The following DYNC2H1 variants were observed in gnomAD, a reference collection of about 807,000 sequenced individuals.
The protein encoded by DYNC2H1 is dynein cytoplasmic 2 heavy chain 1.
DYNC2H1 carries 410 observed loss-of-function variants against 570.0 expected under a neutral mutation model. The observed-to-expected ratio is 0.72, with a 90% confidence interval of 0.66 to 0.78. The LOEUF (loss-of-function observed/expected upper bound fraction) is 0.78. Among genes scored for constraint, DYNC2H1 ranks in the 30% least tolerant of loss-of-function variants. The pLI is 0.00. For synonymous variants in DYNC2H1, 1,688 were observed against 1,677.6 expected (o/e 1.01, Z -0.15); for missense variants, 4,865 against 5,046.4 (o/e 0.96, Z 1.09).
chr11:103,239,938 CTT>C lies in DYNC2H1; in HGVS notation c.9819+3400_9819+3401del, dbSNP rs1434255701. The stretch of plus-strand genomic sequence containing the variant: ...TAGTTTTTAACCTGTTTTTTGAACT[CTT>C]GACCTACAGTTCTAACTACCTGTTA... On this transcript the variant is annotated intron_variant, in intron 63 of 88. Transcript: ENST00000375735. The surrounding 1 kb of genome is among the most constrained non-coding windows in gnomAD (Gnocchi z 4.3). Among the ~76,000 whole-genome samples, 1 of 151,882 alleles carries C rather than the reference CTT, an allele frequency of 6.6e-6. No individual in the cohort carries two copies. Among genetic ancestry groups the C allele is most frequent in the Non-Finnish European group, 1.5e-5 (1 of 67,974 alleles).
At position 103,156,721 on chromosome 11, in the gene DYNC2H1, G is replaced by A. The variant is rs746691304; in HGVS notation, c.4078G>A (p.Ala1360Thr). The change falls in exon 26 of 89, where the codon GCA (alanine) becomes ACA (threonine). Residue 1360 changes from alanine to threonine, a missense_variant. By Grantham distance (58) the Ala-to-Thr change is moderately conservative. This residue lies in a region of DYNC2H1 where 1,936 missense variants were observed against 1,962.1 expected (regional missense o/e 0.99). Coordinates refer to ENST00000375735, the MANE Select transcript of DYNC2H1 (RefSeq NM_001377.3). ...TTTGGAACCCATTTTCGGCCGTGGA[G>A]CATTGCCAAAAGAACAGACACGCTT... ...VYLEPIFGRG[A>T]LPKEQTRFNR... 6.2e-7 allele frequency: 1 copy of A among 1,613,278 alleles called. No homozygotes were observed. Among genetic ancestry groups the A allele is most frequent in the Non-Finnish European group, 8.5e-7 (1 of 1,179,664 alleles).
At chr11:103,144,266 T>A (rs1860119958) in intron 18 of DYNC2H1, among the ~76,000 whole-genome samples, 1 of 152,150 alleles carries the variant, frequency 6.6e-6, no homozygotes, top group African/African-American at 2.4e-5. Context: ...GCAACAATAG[T>A]TAGTAATCTC....
At chr11:103,192,326 A>G (rs2135053832) in intron 47 of DYNC2H1, 62 bp downstream of exon 47, 1 of 1,271,426 alleles carries the variant, frequency 7.9e-7, no homozygotes, top group Non-Finnish European at 1.0e-6. Flanking sequence ...ATTTTTTCTT[A>G]CCCAGAGCAT....
chr11:103,116,740 G>T, intron 5 of DYNC2H1, 26 bp downstream of exon 5: 2 of 1,548,226 alleles, frequency 1.3e-6, no homozygotes, highest in Non-Finnish European at 1.7e-6. Context: ...TGAACTTTTG[G>T]AATTTTGAAA....
At chr11:103,331,597 C>T (rs1245369508) in intron 82 of DYNC2H1, among the ~76,000 whole-genome samples, 1 of 152,132 alleles carries the variant, frequency 6.6e-6, no homozygotes, top group East Asian at 1.9e-4. Flanking sequence ...TTAGTCTTTA[C>T]TGCTCTGGAC....
chr11:103,313,308 A>C (rs1009719883), intron 79 of DYNC2H1, among the ~76,000 whole-genome samples: 1 of 152,080 alleles, frequency 6.6e-6, no homozygotes, highest in Non-Finnish European at 1.5e-5. Flanking sequence ...AAGGCTCTCT[A>C]TCTGTTATCG....
chr11:103,344,942 G>A (rs313416), intron 82 of DYNC2H1, among the ~76,000 whole-genome samples: 83,021 of 151,866 alleles, frequency 0.55, 24,366 homozygotes, highest in Admixed American at 0.66. Flanking sequence ...TCTCCCTCCC[G>A]TTCTGCTGAA....
chr11:103,182,918 G>A (rs941886328), intron 40 of DYNC2H1, among the ~76,000 whole-genome samples: 43 of 151,796 alleles, frequency 2.8e-4, no homozygotes, highest in Admixed American at 2.8e-3. Context: ...GGAGGAATAG[G>A]GATTTGTGAG....
chr11:103,203,075 G>T lies in DYNC2H1; in HGVS notation c.8198-588G>T, dbSNP rs190352735. On this transcript the variant is annotated intron_variant, in intron 50 of 88. Coordinates refer to ENST00000375735, the MANE Select transcript of DYNC2H1 (RefSeq NM_001377.3). The surrounding 1 kb of genome is among the most constrained non-coding windows in gnomAD (Gnocchi z 4.7). ...TAGATACTTAGGTAAGAATATTCTA[G>T]GGTTAAATGTTGAACATTGTCAAAT... Among the ~76,000 whole-genome samples, 104 of 152,138 alleles carry T rather than the reference G, an allele frequency of 6.8e-4. No homozygotes were observed. The highest frequency in any genetic ancestry group is 3.4e-3 in the Middle Eastern group (1 of 294).
intron 83 of DYNC2H1, among the ~76,000 whole-genome samples, chr11:103,394,948 C>T (rs1335385839): frequency 3.3e-5 from 5 of 152,034 alleles, no homozygotes; most frequent in African/African-American, 7.2e-5. Context: ...ACTCACCAAA[C>T]TCAAAATGCT....
intron 63 of DYNC2H1, 48 bp downstream of exon 63, chr11:103,236,587 G>T: frequency 9.8e-7 from 1 of 1,016,226 alleles, no homozygotes. Flanking sequence ...TTATTGTCAA[G>T]CTTGCTGTAG....
At chr11:103,273,135 C>G (rs1253299058) in intron 70 of DYNC2H1, among the ~76,000 whole-genome samples, 1 of 149,838 alleles carries the variant, frequency 6.7e-6, no homozygotes, top group African/African-American at 2.4e-5. Context: ...TCCCTTCCCT[C>G]CCCTCCCCTT....
Position 103,323,994 on chromosome 11 carries a change from ACCT to A in DYNC2H1, c.12039+5_12039+7del, listed in dbSNP as rs1392349845. On this transcript the variant is annotated splice_donor_5th_base_variant and intron_variant, in intron 82 of 88. Coordinates refer to ENST00000375735, the MANE Select transcript of DYNC2H1 (RefSeq NM_001377.3). ...TCAGCGCATGATCAGTTCTCAGGTA[ACCT>A]AAAAAAAAGATCTACCTTCAAAAAA... is the stretch of plus-strand genomic sequence containing the variant. 1 of 1,566,170 alleles carries A rather than the reference ACCT, an allele frequency of 6.4e-7. No homozygotes were observed. Among genetic ancestry groups the A allele is most frequent in the Non-Finnish European group, 8.6e-7 (1 of 1,160,400 alleles).
Position 103,264,948 on chromosome 11 carries a change from A to G in DYNC2H1, c.10695+4971A>G, listed in dbSNP as rs1274462707. ...CAAATTGTCTCTGTTTGGAGATGACATGATTGTATATTTAGAAAACCCCAT... is the reference window on the plus strand; with the variant it reads ...CAAATTGTCTCTGTTTGGAGATGACGTGATTGTATATTTAGAAAACCCCAT... On this transcript the variant is annotated intron_variant, in intron 70 of 88. Transcript: ENST00000375735. This position sits in a 1 kb window ranked among gnomAD's most constrained non-coding sequence, Gnocchi z 4.8. Among the ~76,000 whole-genome samples, 3 of 152,218 alleles carry G rather than the reference A, an allele frequency of 2.0e-5. No individual in the cohort carries two copies. Among genetic ancestry groups the G allele is most frequent in the South Asian group, 4.1e-4 (2 of 4,826 alleles).
intron 65 of DYNC2H1, 33 bp from the exon 66 acceptor site, chr11:103,253,252 C>A: frequency 6.3e-7 from 1 of 1,582,406 alleles, no homozygotes; most frequent in Non-Finnish European, 8.6e-7. Flanking sequence ...ACAGAAGATT[C>A]AGACCAACCA....
At position 103,109,565 on chromosome 11, in the gene DYNC2H1, C is replaced by G. The variant is rs1858008326; in HGVS notation, c.-10C>G. 1 of 1,612,844 alleles carries G rather than the reference C, an allele frequency of 6.2e-7. No individual in the cohort carries two copies. Among genetic ancestry groups the G allele is most frequent in the Non-Finnish European group, 8.5e-7 (1 of 1,179,362 alleles). On this transcript the variant is annotated 5_prime_UTR_variant, in exon 1 of 89. Transcript: ENST00000375735. ...CCCCTTCCCCCAACTTCCCTCCACC[C>G]CTTCCAATCATGGCGAACGGGACTG...
chr11:103,247,093 C>T (rs34340112), intron 65 of DYNC2H1, among the ~76,000 whole-genome samples: 16,347 of 151,300 alleles, frequency 0.11, 1,029 homozygotes, highest in East Asian at 0.21. Flanking sequence ...TAGTTGAAGA[C>T]AATTGGACCA....
rs997675174 is a variant in DYNC2H1 at position 103,204,365 on chromosome 11, G to A, written c.8312-457G>A. ...ACAGGAATGATGAAAGTATGGTAAT[G>A]TTCTTTGGAATATTTACCTTGCCTC... On this transcript the variant is annotated intron_variant, in intron 51 of 88. Transcript: ENST00000375735. The surrounding 1 kb of genome is among the most constrained non-coding windows in gnomAD (Gnocchi z 4.1). 1.3e-5 allele frequency among the ~76,000 whole-genome samples: 2 copies of A among 152,120 alleles called. No individual in the cohort carries two copies. Among genetic ancestry groups the A allele is most frequent in the South Asian group, 2.1e-4 (1 of 4,824 alleles).
chr11:103,207,246 A>ATTTTTTT (rs1344183719), intron 52 of DYNC2H1, among the ~76,000 whole-genome samples: 1 of 38,956 alleles, frequency 2.6e-5, no homozygotes. Flanking sequence ...TTTTTTTAAA[A>ATTTTTTT]AAAGATGGGA....
Sources: gnomAD v4.1 joint callset for allele counts (sites outside exome capture counted in the v4.1 genomes callset) on GRCh38, gnomAD v4.1.1 for gene constraint, gnomAD v4.1.1 regional missense constraint, Gnocchi (gnomAD v3.1) non-coding constraint, MANE v1.5 for transcripts, NCBI Gene and HGNC (gene_info 2026-07-23, HGNC 2026-07-21) for gene names.